The following ATP8A2 variants were observed in gnomAD, a reference collection of about 807,000 sequenced individuals.
ATP8A2 encodes the protein phospholipid-transporting ATPase IB.
Under a neutral mutation model 165.6 loss-of-function variants are expected in ATP8A2, and 100 were observed. That is an observed-to-expected ratio of 0.60 (90% CI 0.51 to 0.71). The LOEUF is 0.71. ATP8A2 is among the 30% of genes least tolerant of loss of function. The pLI, the probability that ATP8A2 is intolerant of heterozygous loss-of-function variation, is 0.00. For synonymous variants in ATP8A2, 543 were observed against 548.8 expected (o/e 0.99, Z 0.15); for missense variants, 1,227 against 1,479.5 (o/e 0.83, Z 2.80).
At chr13:25,938,834 C>T (rs543480493) in intron 33 of ATP8A2, among the ~76,000 whole-genome samples, 1 of 151,730 alleles carries the variant, frequency 6.6e-6, no homozygotes, top group South Asian at 2.1e-4. Context: ...TTTCCATCAT[C>T]CCTTCTCCTT....
At chr13:25,648,414 C>G (rs1183091879) in intron 24 of ATP8A2, among the ~76,000 whole-genome samples, 2 of 152,102 alleles carry the variant, frequency 1.3e-5, no homozygotes, top group African/African-American at 4.8e-5. Flanking sequence ...GCCAGTAATT[C>G]TAGAACTTTG....
intron 24 of ATP8A2, among the ~76,000 whole-genome samples, chr13:25,635,719 C>G (rs2041351913): frequency 6.6e-6 from 1 of 152,164 alleles, no homozygotes; most frequent in African/African-American, 2.4e-5. Flanking sequence ...TGAAGATTTC[C>G]TCTGTGCAAA....
At position 25,594,764 on chromosome 13, in the gene ATP8A2, A is replaced by C. The variant is rs1374733016; in HGVS notation, c.2211+5065A>C. 3.3e-5 allele frequency among the ~76,000 whole-genome samples: 5 copies of C among 152,172 alleles called. No homozygotes were observed. In the East Asian group the frequency reaches 9.6e-4, roughly 29 times the overall value. ...TGTAAACTAGTACAACCACTATGGA[A>C]AACAGTGTGGAGTGTCCTTAAAGAA... is the stretch of plus-strand genomic sequence containing the variant. On this transcript the variant is annotated intron_variant, in intron 24 of 36. Transcript: ENST00000381655.
At chr13:25,843,724 C>T (rs1272268218) in intron 30 of ATP8A2, among the ~76,000 whole-genome samples, 1 of 152,172 alleles carries the variant, frequency 6.6e-6, no homozygotes, top group East Asian at 1.9e-4. Flanking sequence ...AACTAAGACA[C>T]TCCCTCTCCT....
intron 27 of ATP8A2, among the ~76,000 whole-genome samples, chr13:25,803,627 A>C (rs1245272651): frequency 6.6e-6 from 1 of 152,244 alleles, no homozygotes; most frequent in African/African-American, 2.4e-5. Flanking sequence ...AAAATGCCAC[A>C]TCCCTCTTCC....
At chr13:25,543,485 T>C in intron 10 of ATP8A2, 83 bp downstream of exon 10, 1 of 897,976 alleles carries the variant, frequency 1.1e-6, no homozygotes, top group Non-Finnish European at 1.7e-6. Flanking sequence ...GATGTTGCAT[T>C]TAGGAAGTTC....
chr13:25,985,306 C>G (rs188359095), intron 35 of ATP8A2, among the ~76,000 whole-genome samples: 9 of 152,286 alleles, frequency 5.9e-5, no homozygotes, highest in Admixed American at 5.9e-4. Context: ...GTCAGAAGGC[C>G]AAAATTAAAT....
intron 24 of ATP8A2, among the ~76,000 whole-genome samples, chr13:25,651,206 A>C (rs1468383938): frequency 6.6e-6 from 1 of 152,110 alleles, no homozygotes; most frequent in Non-Finnish European, 1.5e-5. Context: ...GCATTTTGGG[A>C]GGCCAAGATG....
At position 25,531,237 on chromosome 13, in the gene ATP8A2, T is replaced by TATATGTTATATATG. The variant is rs1566229021; in HGVS notation, c.420+581_420+582insGTTATATATGATAT. Among the ~76,000 whole-genome samples the TATATGTTATATATG allele has an allele frequency of 9.6e-3, 510 of 53,286 alleles. 7 individuals are homozygous for TATATGTTATATATG. Among genetic ancestry groups the TATATGTTATATATG allele is most frequent in the African/African-American group, 0.036 (489 of 13,558 alleles). 35.0% of individuals were successfully genotyped at this position (53,286 alleles called of 152,430 possible). ...TATATATGATATATGTTATATATGA[T>TATATGTTATATATG]ATATATGTTATATATGATATATATG... On this transcript the variant is annotated intron_variant, in intron 4 of 36. Transcript: ENST00000381655.
intron 1 of ATP8A2, among the ~76,000 whole-genome samples, chr13:25,384,539 C>G (rs1013968548): frequency 1.6e-4 from 25 of 152,068 alleles, no homozygotes; most frequent in African/African-American, 5.1e-4. Flanking sequence ...TTGTCTTTGT[C>G]TTCGTGTTTG....
At chr13:26,001,549 T>A (rs1566342190) in intron 35 of ATP8A2, among the ~76,000 whole-genome samples, 1 of 152,148 alleles carries the variant, frequency 6.6e-6, no homozygotes, top group Non-Finnish European at 1.5e-5. Context: ...GGTTTTGGGG[T>A]TTTTTTAATA....
intron 33 of ATP8A2, among the ~76,000 whole-genome samples, chr13:25,929,403 C>T (rs1314550780): frequency 6.6e-6 from 1 of 152,130 alleles, no homozygotes; most frequent in East Asian, 1.9e-4. Flanking sequence ...GTCCTGGGCA[C>T]CTGAGAGCAC....
chr13:25,794,719 T>C (rs1485881242), intron 27 of ATP8A2, among the ~76,000 whole-genome samples: 1 of 152,002 alleles, frequency 6.6e-6, no homozygotes, highest in Admixed American at 6.6e-5. Context: ...ATATATATAT[T>C]CCAGTAATTG....
intron 25 of ATP8A2, among the ~76,000 whole-genome samples, chr13:25,738,546 A>G (rs1245732345): frequency 1.3e-5 from 2 of 152,224 alleles, no homozygotes; most frequent in Non-Finnish European, 1.5e-5. Context: ...CAGGAAGCAG[A>G]GAGGGATTTG....
At chr13:25,894,814 C>T (rs530226743) in intron 33 of ATP8A2, among the ~76,000 whole-genome samples, 1 of 152,222 alleles carries the variant, frequency 6.6e-6, no homozygotes, top group East Asian at 1.9e-4. Context: ...TGGGAGTTCA[C>T]TCATGATTTG....
At chr13:26,016,419 G>A (rs1956975456) in intron 36 of ATP8A2, among the ~76,000 whole-genome samples, 1 of 152,176 alleles carries the variant, frequency 6.6e-6, no homozygotes, top group Non-Finnish European at 1.5e-5. Flanking sequence ...AATCCCATGG[G>A]AGGCCCTTGT....
At chr13:25,965,419 T>C (rs950949736) in intron 34 of ATP8A2, among the ~76,000 whole-genome samples, 2 of 152,202 alleles carry the variant, frequency 1.3e-5, no homozygotes, top group African/African-American at 2.4e-5. Flanking sequence ...TAAGTCAGAT[T>C]TGGCACGCCA....
chr13:25,882,226 G>C (rs1003992213), intron 33 of ATP8A2, among the ~76,000 whole-genome samples: 23 of 152,108 alleles, frequency 1.5e-4, no homozygotes, highest in African/African-American at 5.3e-4. Context: ...TATCATTATC[G>C]TATTAGGAAA....
intron 24 of ATP8A2, among the ~76,000 whole-genome samples, chr13:25,630,453 T>C (rs926724589): frequency 6.6e-6 from 1 of 152,182 alleles, no homozygotes; most frequent in African/African-American, 2.4e-5. Flanking sequence ...AATTTCACCA[T>C]GTCAGTTTTC....
Sources: allele counts gnomAD v4.1 joint callset (sites outside exome capture counted in the v4.1 genomes callset), GRCh38; gene constraint gnomAD v4.1.1; transcripts MANE v1.5; gene names NCBI Gene and HGNC (gene_info 2026-07-23, HGNC 2026-07-21).